The following DYRK1A variants were observed in gnomAD, a reference collection of about 807,000 sequenced individuals.
The protein encoded by DYRK1A is dual specificity tyrosine phosphorylation regulated kinase 1A, also known as dual specificity tyrosine-phosphorylation-regulated kinase 1A.
A neutral mutation model predicts 79.7 loss-of-function variants in DYRK1A; 9 were observed. The observed-to-expected ratio is 0.11, with a 90% CI of 0.07 to 0.20. The LOEUF (loss-of-function observed/expected upper bound fraction) is 0.20, where lower values mean the gene tolerates loss of function less well. DYRK1A is among the 10% of genes least tolerant of loss of function. The pLI is 1.00. For missense variants in DYRK1A, 622 were observed against 956.0 expected, an observed-to-expected ratio of 0.65 and a Z score of 4.61; for synonymous variants, 349 against 329.7, an observed-to-expected ratio of 1.06 and a Z score of -0.63.
intron 2 of DYRK1A, among the ~76,000 whole-genome samples, chr21:37,434,735 G>A (rs1427738412): frequency 5.3e-5 from 8 of 152,078 alleles, no homozygotes; most frequent in African/African-American, 1.9e-4. Context: ...ATTAAAGTTT[G>A]TCGTAATAAA....
intron 2 of DYRK1A, among the ~76,000 whole-genome samples, chr21:37,439,251 T>C (rs2051017237): frequency 6.6e-6 from 1 of 152,238 alleles, no homozygotes; most frequent in African/African-American, 2.4e-5. Flanking sequence ...ATTTTTCTGC[T>C]TTCCAGTTTG....
At chr21:37,449,885 A>G (rs2051390942) in intron 2 of DYRK1A, among the ~76,000 whole-genome samples, 1 of 152,202 alleles carries the variant, frequency 6.6e-6, no homozygotes, top group South Asian at 2.1e-4. Context: ...CAAGTTGGGC[A>G]GAAAACAAAT....
chr21:37,369,050 A>G (rs143836855), intron 1 of DYRK1A, among the ~76,000 whole-genome samples: 2 of 152,312 alleles, frequency 1.3e-5, no homozygotes, highest in East Asian at 1.9e-4. Context: ...ACTTCAAACA[A>G]TTTTGATTAT....
At position 37,490,357 on chromosome 21, in the gene DYRK1A, A is replaced by G. The variant is rs780310443; in HGVS notation, c.820A>G (p.Ile274Val). The change falls in exon 7 of 12, where the codon ATC (isoleucine) becomes GTC (valine). Residue 274 changes from isoleucine (I) to valine (V), a missense_variant. Ile to Val is a conservative substitution (Grantham distance 29). Transcript: ENST00000647188. ...LLFLATPELS[I>V]IHCDLKPENI... ...TTTCCTTGCGACTCCAGAACTTAGT[A>G]TCATTCACTGTGATCTAAAACCTGA... is the stretch of plus-strand genomic sequence containing the variant. 13 of 1,613,692 alleles carry G rather than the reference A, an allele frequency of 8.1e-6. No homozygotes were observed. The highest frequency in any genetic ancestry group is 1.1e-5 in the South Asian group (1 of 91,084).
intron 11 of DYRK1A, 132 bp downstream of exon 11, chr21:37,506,355 G>T (rs774240375): frequency 1.9e-6 from 3 of 1,566,798 alleles, no homozygotes; most frequent in Non-Finnish European, 1.7e-6. Context: ...CTAAGGAAAT[G>T]TAAGTATTTA....
intron 6 of DYRK1A, chr21:37,488,718 C>T (rs1010185610): frequency 2.0e-6 from 2 of 985,238 alleles, no homozygotes; most frequent in Admixed American, 1.2e-4. Context: ...GTAGATCTTT[C>T]ATTGGACGAA....
chr21:37,426,011 T>A (rs2050607914), intron 2 of DYRK1A, among the ~76,000 whole-genome samples: 1 of 152,214 alleles, frequency 6.6e-6, no homozygotes, highest in African/African-American at 2.4e-5. Flanking sequence ...GAAGGGGGGT[T>A]AGAGTCATGT....
chr21:37,406,507 T>A (rs1225930134), intron 1 of DYRK1A, among the ~76,000 whole-genome samples: 1 of 151,956 alleles, frequency 6.6e-6, no homozygotes, highest in Non-Finnish European at 1.5e-5. Flanking sequence ...ACCAGTGTGG[T>A]GAACATGGTG....
chr21:37,388,628 C>G (rs2049808744), intron 1 of DYRK1A, among the ~76,000 whole-genome samples: 1 of 151,440 alleles, frequency 6.6e-6, no homozygotes, highest in Admixed American at 6.6e-5. Flanking sequence ...CCTTGTTTGA[C>G]AAATCTTTTG....
rs1425921727 is a variant in DYRK1A at position 37,406,681 on chromosome 21, T to TCTAGG, written c.-76-13618_-76-13617insCTAGG. ...CATGCCACAGCACTCCAGCCTGGGA[T>TCTAGG]ACAGAGTGAGACTCTTGTCTCCAAA... On this transcript the variant is annotated intron_variant, in intron 1 of 11. Transcript: ENST00000647188. Among the ~76,000 whole-genome samples the TCTAGG allele has an allele frequency of 2.0e-5, 3 of 151,674 alleles. No individual in the cohort carries two copies. In the East Asian group the frequency reaches 5.8e-4, roughly 29 times the overall value.
intron 1 of DYRK1A, among the ~76,000 whole-genome samples, chr21:37,404,041 A>G (rs1276633000): frequency 6.6e-6 from 1 of 152,038 alleles, no homozygotes; most frequent in Non-Finnish European, 1.5e-5. Context: ...AGTAGGCTGT[A>G]TGCTAGAGTG....
At chr21:37,509,367 CTTTTA>C (rs2053689224) in intron 11 of DYRK1A, among the ~76,000 whole-genome samples, 1 of 152,172 alleles carries the variant, frequency 6.6e-6, no homozygotes, top group African/African-American at 2.4e-5. Flanking sequence ...CTTTTTCATT[CTTTTA>C]TTTATTTGCA....
intron 2 of DYRK1A, among the ~76,000 whole-genome samples, chr21:37,460,146 C>G (rs2051790891): frequency 6.7e-6 from 1 of 150,010 alleles, no homozygotes; most frequent in African/African-American, 2.5e-5. Flanking sequence ...TTTAATGTTT[C>G]AAAAGATTTT....
chr21:37,366,438 C>T (rs1271513286), upstream of DYRK1A, among the ~76,000 whole-genome samples: 1 of 147,290 alleles, frequency 6.8e-6, no homozygotes, highest in African/African-American at 2.5e-5. Flanking sequence ...CGGGAGGCGG[C>T]GGGCGATCGC....
chr21:37,408,215 C>T (rs1440501711), intron 1 of DYRK1A, among the ~76,000 whole-genome samples: 1 of 152,156 alleles, frequency 6.6e-6, no homozygotes, highest in Admixed American at 6.5e-5. Context: ...CTTTAAATTT[C>T]TTTTAGTTAG....
chr21:37,479,606 G>GTTTTTTTTTTTTTTTTTTTTT lies in DYRK1A; in HGVS notation c.301-1027_301-1026insTTTTTTTTTTTTTTTTTTTTT, dbSNP rs1183029117. Reference sequence around the variant, plus strand: ...GTGTTGGTGTTTTGTTTTTGTTTTTGTTTTTGTTTTTTGTTTTTTTTTTTT... The same window carrying GTTTTTTTTTTTTTTTTTTTTT: ...GTGTTGGTGTTTTGTTTTTGTTTTTGTTTTTTTTTTTTTTTTTTTTTTTTTTGTTTTTTGTTTTTTTTTTTT... On this transcript the variant is annotated intron_variant, in intron 4 of 11. Transcript: ENST00000647188. Among the ~76,000 whole-genome samples the GTTTTTTTTTTTTTTTTTTTTT allele has an allele frequency of 2.2e-3, 60 of 27,600 alleles. 8 individuals are homozygous for GTTTTTTTTTTTTTTTTTTTTT. The highest frequency in any genetic ancestry group is 8.0e-3 in the East Asian group (7 of 880). The allele number at this position is 27,600 out of a possible 152,430, so 18.1% of individuals were successfully genotyped here.
At chr21:37,438,841 C>T (rs1023066369) in intron 2 of DYRK1A, among the ~76,000 whole-genome samples, 5 of 152,048 alleles carry the variant, frequency 3.3e-5, no homozygotes, top group African/African-American at 4.8e-5. Flanking sequence ...CAAATCAGTT[C>T]GCTAATTTCT....
intron 1 of DYRK1A, among the ~76,000 whole-genome samples, chr21:37,389,049 ATT>A: frequency 6.7e-6 from 1 of 148,554 alleles, no homozygotes; most frequent in South Asian, 2.1e-4. Context: ...AAAAAAAAAA[ATT>A]TTTTTTTTAA....
At chr21:37,404,303 G>A (rs1479476521) in intron 1 of DYRK1A, among the ~76,000 whole-genome samples, 1 of 152,184 alleles carries the variant, frequency 6.6e-6, no homozygotes, top group African/African-American at 2.4e-5. Flanking sequence ...GACACATAAA[G>A]TTAACTATCA....
Sources: gnomAD v4.1 joint callset for allele counts (sites outside exome capture counted in the v4.1 genomes callset) on GRCh38, gnomAD v4.1.1 for gene constraint, MANE v1.5 for transcripts, NCBI Gene and HGNC (gene_info 2026-07-23, HGNC 2026-07-21) for gene names.